Variants in MYO1H observed in about 807,000 individuals in gnomAD.
The protein encoded by MYO1H is myosin IH, also known as unconventional myosin-Ih.
Under a neutral mutation model 149.3 loss-of-function variants are expected in MYO1H, and 118 were observed. That is an observed-to-expected ratio of 0.79 (90% CI 0.68 to 0.92). The LOEUF is 0.92. MYO1H is among the 40% of genes least tolerant of loss of function. The pLI, the probability that MYO1H is intolerant of heterozygous loss-of-function variation, is 0.00. For synonymous variants in MYO1H, 447 were observed against 465.2 expected (o/e 0.96, Z 0.50); for missense variants, 1,212 against 1,280.7 (o/e 0.95, Z 0.82).
the MYO1H span, among the ~76,000 whole-genome samples, chr12:109,322,813 C>T: frequency 2.0e-4 from 22 of 107,690 alleles, 1 homozygote; most frequent in East Asian, 3.9e-3. Flanking sequence ...GAGGGAGACT[C>T]CGTCTCAAAA....
intron 3 of MYO1H, among the ~76,000 whole-genome samples, 175 bp from the exon 4 acceptor site, chr12:109,396,209 C>A (rs780944060): frequency 5.9e-5 from 9 of 152,118 alleles, no homozygotes; most frequent in Admixed American, 1.3e-4. Flanking sequence ...AAGCATGAGC[C>A]ACTGTGCCCC....
chr12:109,353,143 C>A lies in MYO1H; in HGVS notation c.12+5171C>A, dbSNP rs1868498896. ...GGGCACAGTGGCTCATGCCTGTAAT[C>A]CCAGCATTTTGGGAGGCCGAAGTGG... On this transcript the variant is annotated intron_variant, in intron 1 of 31. Transcript: ENST00000310903. Among the ~76,000 whole-genome samples the A allele has an allele frequency of 2.0e-5, 3 of 151,964 alleles. No individual in the cohort carries two copies. The South Asian group carries it at 6.2e-4, about 32-fold the overall frequency.
intron 1 of MYO1H, among the ~76,000 whole-genome samples, chr12:109,358,394 A>G (rs1361740421): frequency 6.6e-6 from 1 of 152,108 alleles, no homozygotes; most frequent in African/African-American, 2.4e-5. Context: ...CGGTATAATC[A>G]AGTTGATCTC....
intron 2 of MYO1H, among the ~76,000 whole-genome samples, chr12:109,391,153 G>C (rs2137035750): frequency 6.6e-6 from 1 of 152,268 alleles, no homozygotes; most frequent in Admixed American, 6.5e-5. Flanking sequence ...GTGCTGTGGT[G>C]GTTTGCTGCA....
At chr12:109,322,553 G>A in the MYO1H span, among the ~76,000 whole-genome samples, 1 of 152,126 alleles carries the variant, frequency 6.6e-6, no homozygotes, top group African/African-American at 2.4e-5. Context: ...AGGCATGGTG[G>A]CTCACGCCTG....
chr12:109,435,348 C>CCA (rs397809135), intron 21 of MYO1H, among the ~76,000 whole-genome samples: 2 of 152,026 alleles, frequency 1.3e-5, no homozygotes, highest in African/African-American at 2.4e-5. Context: ...TTTCAGTTCT[C>CCA]GTTTGGATCA....
chr12:109,445,389 T>C (rs1872436740), intron 30 of MYO1H, 124 bp from the exon 31 acceptor site: 2 of 741,600 alleles, frequency 2.7e-6, no homozygotes, highest in African/African-American at 1.8e-5. Flanking sequence ...AATAAAACAC[T>C]GTAATAAAAC....
chr12:109,378,580 A>G (rs1264899099), intron 1 of MYO1H, among the ~76,000 whole-genome samples: 1 of 152,168 alleles, frequency 6.6e-6, no homozygotes, highest in Non-Finnish European at 1.5e-5. Flanking sequence ...GGGCCTCCCA[A>G]AAGGCTGGGA....
chr12:109,342,378 C>G, the MYO1H span, among the ~76,000 whole-genome samples: 2 of 152,164 alleles, frequency 1.3e-5, no homozygotes, highest in East Asian at 1.9e-4. Context: ...CTCCTGACCT[C>G]AAGTGATCTG....
chr12:109,317,696 A>G, the MYO1H span, among the ~76,000 whole-genome samples: 1 of 152,242 alleles, frequency 6.6e-6, no homozygotes, highest in Admixed American at 6.5e-5. Context: ...TTTTAGGGAT[A>G]CAGCCTCCAC....
intron 6 of MYO1H, 147 bp from the exon 7 acceptor site, chr12:109,403,835 C>A: frequency 1.9e-6 from 1 of 517,250 alleles, no homozygotes; most frequent in Non-Finnish European, 3.4e-6. Flanking sequence ...CAGATCATTA[C>A]ATGCTAGACA....
intron 1 of MYO1H, among the ~76,000 whole-genome samples, chr12:109,358,042 C>T (rs1868648575): frequency 6.6e-6 from 1 of 151,796 alleles, no homozygotes; most frequent in African/African-American, 2.4e-5. Context: ...TTTTGAATTT[C>T]CTTGACCACT....
intron 15 of MYO1H, among the ~76,000 whole-genome samples, chr12:109,417,224 G>A (rs12370862): frequency 0.067 from 10,201 of 152,220 alleles, 382 homozygotes; most frequent in South Asian, 0.11. Context: ...GGAATTGCCA[G>A]GTCATTTTCC....
intron 7 of MYO1H, among the ~76,000 whole-genome samples, chr12:109,405,524 G>T (rs2137055588): frequency 6.6e-6 from 1 of 152,190 alleles, no homozygotes; most frequent in South Asian, 2.1e-4. Context: ...TTGGCCAGAT[G>T]GTCTCGATCT....
rs1566047138 is a variant in MYO1H at position 109,447,158 on chromosome 12, GGT to G, written c.3096_3097del (p.Val1034ProfsTer11). ...TAAACCGAAGTGTGACTCTCTCCCA[GGT>G]GTCAGTCCGGAGGAAGTCCTGATAG... On this transcript the variant is annotated frameshift_variant and splice_region_variant, in exon 32 of 32. Coordinates refer to ENST00000310903, the Ensembl canonical transcript of MYO1H. LOFTEE classifies it high-confidence loss of function. 1 of 1,598,708 alleles carries G rather than the reference GGT, an allele frequency of 6.3e-7. No homozygotes were observed. The highest frequency in any genetic ancestry group is 2.3e-5 in the East Asian group (1 of 44,406).
chr12:109,327,771 G>GA, the MYO1H span, among the ~76,000 whole-genome samples: 1 of 129,330 alleles, frequency 7.7e-6, no homozygotes, highest in Non-Finnish European at 1.7e-5. Flanking sequence ...AGAAAAAAAA[G>GA]AAAAAGTGCC....
chr12:109,379,469 C>T (rs1304863600), intron 1 of MYO1H, among the ~76,000 whole-genome samples: 2 of 152,112 alleles, frequency 1.3e-5, no homozygotes, highest in Non-Finnish European at 1.5e-5. Context: ...CAGTTTCTAT[C>T]AGAGAGAGGC....
chr12:109,442,368 C>T (rs1335302549), intron 27 of MYO1H, 96 bp downstream of exon 27: 7 of 1,042,316 alleles, frequency 6.7e-6, no homozygotes, highest in Admixed American at 3.8e-5. Context: ...TATTTAAATG[C>T]AGGGGTGCAG....
chr12:109,418,766 G>A (rs1312908749), intron 15 of MYO1H, among the ~76,000 whole-genome samples: 7 of 152,004 alleles, frequency 4.6e-5, no homozygotes, highest in African/African-American at 1.2e-4. Flanking sequence ...AGATGGTCTC[G>A]ATCTCCTGAC....
Sources: gnomAD v4.1 joint callset for allele counts (sites outside exome capture counted in the v4.1 genomes callset) on GRCh38, gnomAD v4.1.1 for gene constraint, MANE v1.5 for transcripts, NCBI Gene and HGNC (gene_info 2026-07-23, HGNC 2026-07-21) for gene names.